SHOC1: variants seen among roughly 807,000 people sequenced by gnomAD.
The protein encoded by SHOC1 is protein shortage in chiasmata 1 ortholog.
A neutral mutation model predicts 179.2 loss-of-function variants in SHOC1; 136 were observed. The ratio of observed to expected loss-of-function variants is 0.76; its 90% CI spans 0.66 to 0.87. The LOEUF (loss-of-function observed/expected upper bound fraction) is 0.87. Ranked by LOEUF, SHOC1 falls within the 40% of genes least tolerant of loss-of-function variation. The probability of loss-of-function intolerance (pLI) is 0.00; values close to 1 mark genes in which losing one functional copy is unlikely to be tolerated. For missense variants in SHOC1, 1,538 were observed against 1,700.8 expected, an observed-to-expected ratio of 0.90 and a Z score of 1.68; for synonymous variants, 489 against 586.6, an observed-to-expected ratio of 0.83 and a Z score of 2.41.
intron 5 of SHOC1, among the ~76,000 whole-genome samples, chr9:111,769,944 CTACT>C (rs1331734110): frequency 2.1e-5 from 3 of 139,582 alleles, no homozygotes; most frequent in Non-Finnish European, 3.1e-5. Context: ...TGTGCTCTTC[CTACT>C]TAATCTAGCG....
At chr9:111,748,333 T>C (rs963851329) in intron 8 of SHOC1, 134 bp from the exon 9 acceptor site, 1 of 619,712 alleles carries the variant, frequency 1.6e-6, no homozygotes, top group African/African-American at 1.8e-5. Context: ...TAGAGAGAAG[T>C]AGAGATTTAT....
In SHOC1 at chr9:111,691,949, G is replaced by A. The variant is rs750456198; in HGVS notation, c.4028C>T (p.Ser1343Leu). ...GCCCTCTAGTGAAAAGATAGGGTCC[G>A]ATACATCTTTATTTATGAAACCTTT... The part of the protein sequence containing the change: ...EAKGFINKDV[S>L]DPIFSLEGTQ... The change falls in exon 27 of 28, where the codon TCG becomes TTG. Residue 1343 changes from serine to leucine, a missense_variant. Transcript: ENST00000682961. The A allele has an allele frequency of 4.3e-6, 7 of 1,613,626 alleles. No individual in the cohort carries two copies. Among genetic ancestry groups the A allele is most frequent in the Non-Finnish European group, 5.9e-6 (7 of 1,179,840 alleles).
intron 11 of SHOC1, among the ~76,000 whole-genome samples, chr9:111,739,842 ATG>A: frequency 6.6e-6 from 1 of 152,232 alleles, no homozygotes; most frequent in Non-Finnish European, 1.5e-5. Flanking sequence ...GTCTATTAGC[ATG>A]TGTTTCTTTC....
Position 111,786,013 on chromosome 9 carries a change from T to C in SHOC1, c.68A>G (p.Tyr23Cys), listed in dbSNP as rs1343770155. 1 of 1,503,764 alleles carries C rather than the reference T, an allele frequency of 6.6e-7. No homozygotes were observed. Among genetic ancestry groups the C allele is most frequent in the African/African-American group, 1.4e-5 (1 of 70,446 alleles). 93.2% of individuals were successfully genotyped at this position (1,503,764 alleles called of 1,614,324 possible). A position where few individuals can be genotyped will look rare whatever the true frequency, so the allele number is the denominator to read the frequency against. ...LYENVVRKKF[Y>C]RDALLLRIPS... ...GATTCGAAGCAATAAAGCATCTCTGTAAAACTTCTTTCTAACCACATTCTG... is the reference window on the plus strand; with the variant it reads ...GATTCGAAGCAATAAAGCATCTCTGCAAAACTTCTTTCTAACCACATTCTG... Residue 23 changes from tyrosine (Y) to cysteine (C), a missense_variant, in exon 3 of 28, where the codon TAC (tyrosine) becomes TGC (cysteine). Coordinates refer to ENST00000682961, the MANE Select transcript of SHOC1 (RefSeq NM_001378211.1).
intron 7 of SHOC1, among the ~76,000 whole-genome samples, chr9:111,757,212 C>T (rs1834904734): frequency 6.6e-6 from 1 of 152,138 alleles, no homozygotes; most frequent in Non-Finnish European, 1.5e-5. Context: ...ACGCCATTCT[C>T]CTGCCTCAGC....
At chr9:111,786,070 C>T (rs1379679345) in intron 2 of SHOC1, 35 bp from the exon 3 acceptor site, 2 of 1,366,386 alleles carry the variant, frequency 1.5e-6, no homozygotes, top group East Asian at 2.7e-5. Flanking sequence ...AATCTTTTAA[C>T]ATGTACTATT....
chr9:111,776,529 C>G (rs1373464368), intron 4 of SHOC1, among the ~76,000 whole-genome samples: 1 of 152,176 alleles, frequency 6.6e-6, no homozygotes, highest in Non-Finnish European at 1.5e-5. Flanking sequence ...AATTACCCAG[C>G]CTTTTATGTT....
intron 19 of SHOC1, 73 bp from the exon 20 acceptor site, chr9:111,706,819 C>T: frequency 9.3e-7 from 1 of 1,073,292 alleles, no homozygotes; most frequent in Admixed American, 2.7e-5. Flanking sequence ...TAAAAGATGA[C>T]TGTTTTCTGG....
At chr9:111,711,799 A>G (rs1276115249) in intron 18 of SHOC1, among the ~76,000 whole-genome samples, 2 of 152,212 alleles carry the variant, frequency 1.3e-5, no homozygotes, top group African/African-American at 2.4e-5. Context: ...TTTAGAGGGC[A>G]TGAGTTTGTG....
intron 11 of SHOC1, among the ~76,000 whole-genome samples, chr9:111,741,212 A>AG (rs1834023866): frequency 6.6e-6 from 1 of 152,010 alleles, no homozygotes; most frequent in East Asian, 1.9e-4. Context: ...GGACAGTTTT[A>AG]TGTACTACTT....
chr9:111,705,983 C>T (rs898261778), intron 20 of SHOC1, among the ~76,000 whole-genome samples: 6 of 151,976 alleles, frequency 3.9e-5, no homozygotes, highest in African/African-American at 1.4e-4. Context: ...TTTAGACTTC[C>T]CACTCATATT....
At chr9:111,760,368 CT>C (rs913852366) in intron 5 of SHOC1, among the ~76,000 whole-genome samples, 1 of 152,126 alleles carries the variant, frequency 6.6e-6, no homozygotes, top group African/African-American at 2.4e-5. Context: ...TCTTATTTTA[CT>C]ACAGCTAATA....
chr9:111,740,991 G>A (rs2131497630), intron 11 of SHOC1, among the ~76,000 whole-genome samples: 1 of 152,278 alleles, frequency 6.6e-6, no homozygotes, highest in East Asian at 1.9e-4. Context: ...AGGTTTTCAA[G>A]TGATTCTTGG....
chr9:111,686,906 C>T, intron 27 of SHOC1, 36 bp from the exon 28 acceptor site: 4 of 1,234,506 alleles, frequency 3.2e-6, no homozygotes, highest in South Asian at 2.5e-5. Flanking sequence ...CATTTTATTG[C>T]TTACAATAGT....
At chr9:111,694,553 A>G (rs780796549) in intron 24 of SHOC1, among the ~76,000 whole-genome samples, 191 bp from the exon 25 acceptor site, 2 of 152,114 alleles carry the variant, frequency 1.3e-5, no homozygotes, top group Non-Finnish European at 2.9e-5. Flanking sequence ...TTCCTTATTT[A>G]AATGTGATAT....
chr9:111,771,399 A>C (rs1280929887), intron 5 of SHOC1, among the ~76,000 whole-genome samples: 1 of 152,154 alleles, frequency 6.6e-6, no homozygotes, highest in East Asian at 1.9e-4. Flanking sequence ...TGGGCTTCAT[A>C]CTAGAGTTAT....
At position 111,686,645 on chromosome 9, in the gene SHOC1, G is replaced by T; in HGVS notation, c.*125C>A. 1.6e-6 allele frequency: 1 copy of T among 619,576 alleles called. No individual in the cohort carries two copies. The highest frequency in any genetic ancestry group is 1.9e-5 in the South Asian group (1 of 52,066). 38.4% of individuals were successfully genotyped at this position (619,576 alleles called of 1,614,324 possible). A position where few individuals can be genotyped will look rare whatever the true frequency, so the allele number is the denominator to read the frequency against. ...ATACATATTATGAATATTTAATACAGAAATACTGAGACATATATGAACAAT... is the reference window on the plus strand; with the variant it reads ...ATACATATTATGAATATTTAATACATAAATACTGAGACATATATGAACAAT... On this transcript the variant is annotated 3_prime_UTR_variant, in exon 28 of 28. Coordinates refer to ENST00000682961, the MANE Select transcript of SHOC1 (RefSeq NM_001378211.1).
chr9:111,777,110 C>T (rs1038106667), intron 4 of SHOC1, among the ~76,000 whole-genome samples: 3 of 151,982 alleles, frequency 2.0e-5, no homozygotes, highest in East Asian at 1.9e-4. Context: ...TGGGTGGGAT[C>T]GCAGAACTGG....
intron 5 of SHOC1, among the ~76,000 whole-genome samples, chr9:111,763,329 C>G (rs1391391732): frequency 6.6e-6 from 1 of 151,728 alleles, no homozygotes; most frequent in Non-Finnish European, 1.5e-5. Context: ...AAGGATACAC[C>G]ATGTATCCAG....
Sources: allele counts gnomAD v4.1 joint callset (sites outside exome capture counted in the v4.1 genomes callset), GRCh38; gene constraint gnomAD v4.1.1; transcripts MANE v1.5; gene names NCBI Gene and HGNC (gene_info 2026-07-23, HGNC 2026-07-21).